NPSR1: variants seen among roughly 807,000 people sequenced by gnomAD.
NPSR1 encodes neuropeptide S receptor 1, also known as neuropeptide S receptor.
Under a neutral mutation model 46.9 loss-of-function variants are expected in NPSR1, and 48 were observed. The ratio of observed to expected loss-of-function variants is 1.02; its 90% CI spans 0.81 to 1.30. NPSR1 has a LOEUF of 1.30. NPSR1 is among the 50% of genes most tolerant of loss of function. The pLI is 0.00. For missense variants in NPSR1, 450 were observed against 449.5 expected, an observed-to-expected ratio of 1.00 and a Z score of -0.01; for synonymous variants, 176 against 168.1, an observed-to-expected ratio of 1.05 and a Z score of -0.36.
intron 4 of NPSR1, among the ~76,000 whole-genome samples, chr7:34,819,478 T>A (rs1789438162): frequency 6.6e-6 from 1 of 152,216 alleles, no homozygotes; most frequent in African/African-American, 2.4e-5. Context: ...GGAGTGTACA[T>A]TAGTTCAACC....
chr7:34,867,949 T>C (rs10229635), intron 8 of NPSR1, among the ~76,000 whole-genome samples: 28,546 of 151,728 alleles, frequency 0.19, 3,081 homozygotes, highest in Non-Finnish European at 0.24. Context: ...CTTTCAGTCT[T>C]TAAAATTTAT....
intron 8 of NPSR1, among the ~76,000 whole-genome samples, chr7:34,863,904 T>C (rs1336600032): frequency 1.3e-5 from 2 of 151,804 alleles, no homozygotes; most frequent in Non-Finnish European, 2.9e-5. Context: ...TAAATCATTC[T>C]ACTATAAAAA....
intron 1 of NPSR1, among the ~76,000 whole-genome samples, chr7:34,669,656 T>C (rs1234463676): frequency 1.3e-5 from 2 of 152,066 alleles, no homozygotes; most frequent in Admixed American, 1.3e-4. Flanking sequence ...AGCATTACAA[T>C]ATTACCTCTA....
At chr7:34,823,399 GAAAAAA>G (rs577186339) in intron 4 of NPSR1, among the ~76,000 whole-genome samples, 1 of 68,272 alleles carries the variant, frequency 1.5e-5, no homozygotes, top group African/African-American at 5.1e-5. Context: ...GACTTCACCA[GAAAAAA>G]AAAAAAAAAA....
At chr7:34,847,385 G>A (rs1790773297) in intron 7 of NPSR1, among the ~76,000 whole-genome samples, 1 of 147,470 alleles carries the variant, frequency 6.8e-6, no homozygotes, top group African/African-American at 2.5e-5. Flanking sequence ...CGTAGTCTGT[G>A]CTTTCCAGAG....
chr7:34,848,043 C>G (rs749052675), intron 7 of NPSR1, among the ~76,000 whole-genome samples: 2 of 152,206 alleles, frequency 1.3e-5, no homozygotes, highest in Admixed American at 1.3e-4. Flanking sequence ...CACCCCTTCT[C>G]CCTGACATAA....
intron 8 of NPSR1, among the ~76,000 whole-genome samples, chr7:34,876,164 A>G (rs1404476757): frequency 6.6e-6 from 1 of 152,170 alleles, no homozygotes; most frequent in East Asian, 1.9e-4. Context: ...CAGAATTTGT[A>G]AATGTTGTAC....
intron 8 of NPSR1, among the ~76,000 whole-genome samples, chr7:34,858,863 G>T (rs1321703812): frequency 3.7e-4 from 56 of 150,400 alleles, no homozygotes; most frequent in Middle Eastern, 3.4e-3. Flanking sequence ...GATGAGATCT[G>T]GGGGGGGGAC....
intron 4 of NPSR1, among the ~76,000 whole-genome samples, chr7:34,822,019 C>T (rs1255144824): frequency 1.3e-5 from 2 of 152,172 alleles, no homozygotes; most frequent in Non-Finnish European, 2.9e-5. Flanking sequence ...ATACCAGAAA[C>T]TTCTAAGAAT....
chr7:34,792,734 T>C (rs1332559481), intron 3 of NPSR1, among the ~76,000 whole-genome samples: 1 of 123,306 alleles, frequency 8.1e-6, no homozygotes, highest in Non-Finnish European at 1.7e-5. Flanking sequence ...TATATATATA[T>C]TAGCCAGGCA....
chr7:34,763,725 C>T (rs909263842), intron 2 of NPSR1, among the ~76,000 whole-genome samples: 1 of 152,098 alleles, frequency 6.6e-6, no homozygotes, highest in Non-Finnish European at 1.5e-5. Context: ...AAAGAAATGG[C>T]ATGGCAGAGT....
chr7:34,689,630 A>AAAAAAAAAAG (rs1793139021), intron 2 of NPSR1, among the ~76,000 whole-genome samples: 1 of 145,454 alleles, frequency 6.9e-6, no homozygotes, highest in African/African-American at 2.6e-5. Context: ...AAAAAAAAAA[A>AAAAAAAAAAG]AAAAGAAAAG....
chr7:34,805,520 C>T (rs1584062270), intron 3 of NPSR1, among the ~76,000 whole-genome samples: 1 of 147,382 alleles, frequency 6.8e-6, no homozygotes, highest in Admixed American at 6.7e-5. Flanking sequence ...AGACCTTATG[C>T]CTTTCACAAA....
chr7:34,684,809 A>C, intron 2 of NPSR1, 125 bp downstream of exon 2: 1 of 767,222 alleles, frequency 1.3e-6, no homozygotes, highest in Non-Finnish European at 2.0e-6. Flanking sequence ...ATAATTTCTG[A>C]AAGAATATAA....
At chr7:34,673,232 C>A (rs555044312) in intron 1 of NPSR1, among the ~76,000 whole-genome samples, 1 of 152,264 alleles carries the variant, frequency 6.6e-6, no homozygotes, top group Non-Finnish European at 1.5e-5. Context: ...GGTTGACGTA[C>A]CTGCCTCCAC....
intron 8 of NPSR1, among the ~76,000 whole-genome samples, chr7:34,856,044 C>T (rs1225277686): frequency 6.6e-6 from 1 of 152,010 alleles, no homozygotes; most frequent in East Asian, 1.9e-4. Flanking sequence ...TACAGGAAAC[C>T]TATACTTAAT....
chr7:34,787,525 C>T (rs1278762391), intron 3 of NPSR1, among the ~76,000 whole-genome samples: 4 of 152,092 alleles, frequency 2.6e-5, no homozygotes, highest in Non-Finnish European at 4.4e-5. Context: ...CACAACTTGG[C>T]TAACTGGCCC....
chr7:34,680,773 A>T (rs917481282), intron 1 of NPSR1, among the ~76,000 whole-genome samples: 3 of 152,184 alleles, frequency 2.0e-5, no homozygotes, highest in African/African-American at 7.2e-5. Context: ...CACATAGCAT[A>T]AAACTACTCT....
chr7:34,736,450 T>C (rs529530151), intron 2 of NPSR1, among the ~76,000 whole-genome samples: 2 of 152,246 alleles, frequency 1.3e-5, no homozygotes, highest in South Asian at 2.1e-4. Context: ...CTGCCTCTTT[T>C]CATGATATTA....
Sources: gnomAD v4.1 joint callset for allele counts (sites outside exome capture counted in the v4.1 genomes callset) on GRCh38, gnomAD v4.1.1 for gene constraint, MANE v1.5 for transcripts, NCBI Gene and HGNC (gene_info 2026-07-23, HGNC 2026-07-21) for gene names.